SLC25A42: variants seen among roughly 807,000 people sequenced by gnomAD.
SLC25A42 encodes the protein mitochondrial coenzyme A transporter SLC25A42.
A neutral mutation model predicts 34.7 loss-of-function variants in SLC25A42; 19 were observed. That is an observed-to-expected ratio of 0.55 (90% CI 0.38 to 0.80). The LOEUF (loss-of-function observed/expected upper bound fraction) is 0.80, where lower values mean the gene tolerates loss of function less well. Ranked by LOEUF, SLC25A42 falls within the 30% of genes least tolerant of loss-of-function variation. The probability of loss-of-function intolerance (pLI) is 0.00; values close to 1 mark genes in which losing one functional copy is unlikely to be tolerated. For missense variants in SLC25A42, 364 were observed against 441.3 expected (o/e 0.82, Z 1.57); for synonymous variants, 205 against 191.2 (o/e 1.07, Z -0.59).
chr19:19,073,538 C>T (rs1009825886), intron 1 of SLC25A42, among the ~76,000 whole-genome samples: 6 of 151,296 alleles, frequency 4.0e-5, no homozygotes, highest in African/African-American at 9.7e-5. Context: ...CAATCAAATG[C>T]GGATTGCTGT....
intron 1 of SLC25A42, among the ~76,000 whole-genome samples, chr19:19,065,836 T>C (rs1449750830): frequency 6.6e-6 from 1 of 152,228 alleles, no homozygotes; most frequent in Non-Finnish European, 1.5e-5. Flanking sequence ...GTATAAACTT[T>C]GGCAAGATCA....
At chr19:19,069,000 C>T (rs1482919422) in intron 1 of SLC25A42, among the ~76,000 whole-genome samples, 2 of 149,786 alleles carry the variant, frequency 1.3e-5, no homozygotes, top group Non-Finnish European at 3.0e-5. Flanking sequence ...GCACTCCAGC[C>T]TGGGTGACAG....
At chr19:19,072,257 G>A (rs1239175411) in intron 1 of SLC25A42, among the ~76,000 whole-genome samples, 1 of 152,250 alleles carries the variant, frequency 6.6e-6, no homozygotes, top group Non-Finnish European at 1.5e-5. Context: ...CCCCAGCCCT[G>A]TCTGATTCCT....
intron 2 of SLC25A42, among the ~76,000 whole-genome samples, chr19:19,098,685 G>A (rs1489568799): frequency 3.9e-5 from 6 of 152,174 alleles, no homozygotes; most frequent in Non-Finnish European, 7.3e-5. Context: ...TTGGGATGCC[G>A]AGACAGGCGG....
intron 3 of SLC25A42, among the ~76,000 whole-genome samples, chr19:19,102,213 G>A (rs978477027): frequency 6.6e-6 from 1 of 151,782 alleles, no homozygotes; most frequent in Non-Finnish European, 1.5e-5. Context: ...GTTTCACTAT[G>A]TTAGACAGGA....
At chr19:19,068,871 A>AATAG (rs1409198323) in intron 1 of SLC25A42, among the ~76,000 whole-genome samples, 37 of 150,776 alleles carry the variant, frequency 2.5e-4, no homozygotes, top group Non-Finnish European at 4.1e-4. Flanking sequence ...TAAATAAATA[A>AATAG]ATAAATTAGC....
rs1359347986 is a variant in SLC25A42 at position 19,104,092 on chromosome 19, T to A, written c.188-821T>A. On this transcript the variant is annotated intron_variant, in intron 3 of 7. Coordinates refer to ENST00000318596, the MANE Select transcript of SLC25A42 (RefSeq NM_178526.5). ...TGGCTAATTTTTTTGTACTTTTTTT[T>A]AGTAGAGTCAGCGTTTCACCATGTT... Among the ~76,000 whole-genome samples, 4 of 152,194 alleles carry A rather than the reference T, an allele frequency of 2.6e-5. No individual in the cohort carries two copies. In the South Asian group the frequency reaches 8.3e-4, roughly 32 times the overall value.
intron 1 of SLC25A42, among the ~76,000 whole-genome samples, chr19:19,078,176 G>A (rs904884770): frequency 4.6e-5 from 7 of 152,224 alleles, no homozygotes; most frequent in African/African-American, 1.7e-4. Flanking sequence ...TCTATGGCAG[G>A]TGTGGCTTGT....
intron 1 of SLC25A42, among the ~76,000 whole-genome samples, chr19:19,079,658 G>A (rs1191336038): frequency 6.6e-6 from 1 of 152,148 alleles, no homozygotes; most frequent in East Asian, 1.9e-4. Flanking sequence ...TTCATCTGTT[G>A]ATGAGCAGTT....
At chr19:19,091,362 G>T (rs1276690813) in intron 1 of SLC25A42, among the ~76,000 whole-genome samples, 1 of 152,138 alleles carries the variant, frequency 6.6e-6, no homozygotes, top group Non-Finnish European at 1.5e-5. Flanking sequence ...GGAGGTTGAG[G>T]CAGGAGAATC....
At chr19:19,104,718 A>G (rs1288170298) in intron 3 of SLC25A42, among the ~76,000 whole-genome samples, 195 bp from the exon 4 acceptor site, 1 of 152,088 alleles carries the variant, frequency 6.6e-6, no homozygotes, top group East Asian at 1.9e-4. Flanking sequence ...GTGTCAACCC[A>G]TCTCAGACAC....
intron 1 of SLC25A42, among the ~76,000 whole-genome samples, chr19:19,089,858 G>T (rs1268112883): frequency 1.6e-5 from 1 of 64,092 alleles, no homozygotes; most frequent in Non-Finnish European, 3.2e-5. Flanking sequence ...GACAGAGCGA[G>T]ACTCCGTCTC....
chr19:19,110,939 A>C lies in SLC25A42; in HGVS notation c.*63A>C. 6.4e-7 allele frequency: 1 copy of C among 1,569,622 alleles called. No homozygotes were observed. Among genetic ancestry groups the C allele is most frequent in the Non-Finnish European group, 8.7e-7 (1 of 1,146,812 alleles). On this transcript the variant is annotated 3_prime_UTR_variant, in exon 8 of 8. Transcript: ENST00000318596. Reference sequence around the variant, plus strand: ...CCCCTTTGTATTCTGGGCCCATGGAACGGTGGGGGGGTGCGCTTGATTCTA... The same window carrying C: ...CCCCTTTGTATTCTGGGCCCATGGACCGGTGGGGGGGTGCGCTTGATTCTA...
chr19:19,098,297 G>C (rs901898209), intron 2 of SLC25A42, among the ~76,000 whole-genome samples: 1 of 152,056 alleles, frequency 6.6e-6, no homozygotes, highest in African/African-American at 2.4e-5. Flanking sequence ...GTGTGTTCCT[G>C]ATACTAAGAT....
chr19:19,106,150 T>C, intron 5 of SLC25A42, 119 bp from the exon 6 acceptor site: 2 of 824,158 alleles, frequency 2.4e-6, no homozygotes, highest in Non-Finnish European at 3.8e-6. Flanking sequence ...CCGCCTCGTG[T>C]TCCTCGGTCC....
chr19:19,110,723 C>T lies in SLC25A42; in HGVS notation c.804C>T (p.Ala268=). The T allele has an allele frequency of 2.5e-6, 4 of 1,607,480 alleles. No homozygotes were observed. The highest frequency in any genetic ancestry group is 3.4e-6 in the Non-Finnish European group (4 of 1,177,232). ...GVTGYPRASI[A]RTLRTIVREE... ...CGGGCTACCCGCGCGCCTCCATCGC[C>T]CGCACGCTGCGCACCATCGTGCGGG... Residue 268 remains alanine, a synonymous_variant, in exon 8 of 8, where the codon GCC becomes GCT. Coordinates refer to ENST00000318596, the MANE Select transcript of SLC25A42 (RefSeq NM_178526.5).
At chr19:19,064,481 A>C in intron 1 of SLC25A42, among the ~76,000 whole-genome samples, 1 of 69,512 alleles carries the variant, frequency 1.4e-5, no homozygotes, top group African/African-American at 6.0e-5. Context: ...CCCCCACATC[A>C]CCTGAGTCTG....
intron 4 of SLC25A42, 126 bp from the exon 5 acceptor site, chr19:19,105,435 G>T: frequency 8.8e-7 from 1 of 1,131,722 alleles, no homozygotes; most frequent in Non-Finnish European, 1.2e-6. Flanking sequence ...GTGGGGTTAT[G>T]TGCTGTGCAT....
intron 1 of SLC25A42, among the ~76,000 whole-genome samples, chr19:19,066,565 C>T (rs1385239269): frequency 6.6e-6 from 1 of 151,764 alleles, no homozygotes; most frequent in African/African-American, 2.4e-5. Context: ...TCTCCTGCCT[C>T]AGCCTCCTGA....
Sources: gnomAD v4.1 joint callset for allele counts (sites outside exome capture counted in the v4.1 genomes callset) on GRCh38, gnomAD v4.1.1 for gene constraint, MANE v1.5 for transcripts, NCBI Gene and HGNC (gene_info 2026-07-23, HGNC 2026-07-21) for gene names.